ACYP2: variants seen among roughly 807,000 people sequenced by gnomAD.
ACYP2 encodes acylphosphatase-2.
In ACYP2, 12 loss-of-function variants were observed where a neutral mutation model predicts 11.2. That is an observed-to-expected ratio of 1.08 (90% CI 0.69 to 1.74). ACYP2 has a LOEUF of 1.74. Ranked by LOEUF, ACYP2 falls within the 40% of genes most tolerant of loss-of-function variation. The pLI, the probability that ACYP2 is intolerant of heterozygous loss-of-function variation, is 0.00. For synonymous variants in ACYP2, 43 were observed against 32.2 expected, an observed-to-expected ratio of 1.33 and a Z score of -1.13; for missense variants, 134 against 101.9, an observed-to-expected ratio of 1.31 and a Z score of -1.35.
chr2:54,000,433 A>T (rs950460339), intron 2 of ACYP2, among the ~76,000 whole-genome samples: 2 of 152,202 alleles, frequency 1.3e-5, no homozygotes, highest in Non-Finnish European at 2.9e-5. Flanking sequence ...ACTTAATTAC[A>T]AGACGTTAAA....
intron 6 of ACYP2, among the ~76,000 whole-genome samples, chr2:54,232,780 C>A (rs192721105): frequency 2.0e-5 from 3 of 152,172 alleles, no homozygotes; most frequent in Admixed American, 2.0e-4. Context: ...AAGTGCCACA[C>A]TTTTAAACCA....
chr2:54,059,252 C>G (rs1405618141), intron 4 of ACYP2, among the ~76,000 whole-genome samples: 2 of 150,026 alleles, frequency 1.3e-5, no homozygotes, highest in Admixed American at 6.6e-5. Flanking sequence ...GAATTTTGCT[C>G]TTGTTGCCCG....
chr2:53,972,378 G>T (rs1030178594), intron 1 of ACYP2, among the ~76,000 whole-genome samples: 2 of 151,414 alleles, frequency 1.3e-5, no homozygotes, highest in South Asian at 2.1e-4. Flanking sequence ...AGGCCGAGGC[G>T]GGTGGATCAC....
At chr2:53,985,316 C>G (rs746271200) in intron 2 of ACYP2, among the ~76,000 whole-genome samples, 4 of 152,126 alleles carry the variant, frequency 2.6e-5, no homozygotes, top group Non-Finnish European at 5.9e-5. Flanking sequence ...ATCCGCCTGC[C>G]TCAGCCTCCC....
At chr2:54,010,315 C>G (rs1367665797) in intron 2 of ACYP2, among the ~76,000 whole-genome samples, 1 of 152,086 alleles carries the variant, frequency 6.6e-6, no homozygotes, top group Non-Finnish European at 1.5e-5. Flanking sequence ...GAAACCCTGT[C>G]TCTACTAAAA....
At chr2:54,197,762 G>A (rs983716749) in intron 6 of ACYP2, among the ~76,000 whole-genome samples, 3 of 152,144 alleles carry the variant, frequency 2.0e-5, no homozygotes, top group East Asian at 3.9e-4. Context: ...GAGAGGAAGG[G>A]GATGTGTGGT....
At chr2:54,035,254 TTTTTCTTTTTC>T (rs1429869747) in intron 2 of ACYP2, among the ~76,000 whole-genome samples, 2 of 146,024 alleles carry the variant, frequency 1.4e-5, no homozygotes, top group Non-Finnish European at 3.0e-5. Context: ...AGACAATTTC[TTTTTCTTTTTC>T]TTTTTTTTTT....
At chr2:54,016,752 G>A (rs899205772) in intron 2 of ACYP2, among the ~76,000 whole-genome samples, 1 of 147,478 alleles carries the variant, frequency 6.8e-6, no homozygotes, top group Admixed American at 6.8e-5. Context: ...TTGAGTTGGG[G>A]TCTTGCTGTG....
At chr2:54,052,540 C>T (rs1428209881) in intron 3 of ACYP2, among the ~76,000 whole-genome samples, 2 of 152,074 alleles carry the variant, frequency 1.3e-5, no homozygotes, top group African/African-American at 4.8e-5. Flanking sequence ...GAAACAATTG[C>T]TCTGTTAACG....
chr2:54,049,687 C>G (rs1174260503), intron 2 of ACYP2, among the ~76,000 whole-genome samples: 2 of 152,156 alleles, frequency 1.3e-5, no homozygotes, highest in Non-Finnish European at 2.9e-5. Context: ...TGAGTACTTT[C>G]TATTCTTTCA....
chr2:54,055,972 G>A (rs1676126519), intron 3 of ACYP2, among the ~76,000 whole-genome samples: 1 of 152,188 alleles, frequency 6.6e-6, no homozygotes, highest in South Asian at 2.1e-4. Flanking sequence ...TAGGCATACT[G>A]TAAATAGATT....
At chr2:54,146,454 T>A (rs941773904) in intron 6 of ACYP2, among the ~76,000 whole-genome samples, 25 of 148,476 alleles carry the variant, frequency 1.7e-4, no homozygotes, top group Admixed American at 8.7e-4. Flanking sequence ...TTTTTTTTTT[T>A]ATTACAGACT....
chr2:54,165,527 T>C (rs368436146), intron 6 of ACYP2, among the ~76,000 whole-genome samples: 16 of 140,726 alleles, frequency 1.1e-4, no homozygotes, highest in Non-Finnish European at 2.0e-4. Flanking sequence ...TCTCTCTCTC[T>C]CTCTCTCTCA....
intron 4 of ACYP2, chr2:54,084,901 G>C (rs1413742660): frequency 6.6e-6 from 1 of 152,144 alleles, no homozygotes; most frequent in Non-Finnish European, 1.5e-5. Context: ...CCGTATAGTA[G>C]ATGATAATAT....
chr2:54,125,780 C>T (rs1292531765), intron 4 of ACYP2, among the ~76,000 whole-genome samples: 1 of 148,562 alleles, frequency 6.7e-6, no homozygotes, highest in African/African-American at 2.5e-5. Context: ...AGTTTTTAAA[C>T]ATATTAAAAA....
chr2:54,039,022 A>G (rs1558487777), intron 2 of ACYP2, among the ~76,000 whole-genome samples: 1 of 151,920 alleles, frequency 6.6e-6, no homozygotes. Context: ...CATCCCAGGA[A>G]CAGCTAGTAC....
intron 6 of ACYP2, among the ~76,000 whole-genome samples, chr2:54,192,380 T>C (rs1238567610): frequency 6.6e-6 from 1 of 152,174 alleles, no homozygotes; most frequent in Non-Finnish European, 1.5e-5. Flanking sequence ...ACAGTACTTA[T>C]TTTTAATTTT....
intron 2 of ACYP2, among the ~76,000 whole-genome samples, chr2:54,042,879 C>G (rs958875475): frequency 2.0e-5 from 3 of 152,224 alleles, no homozygotes; most frequent in African/African-American, 7.2e-5. Context: ...ACCAACCAAT[C>G]TTTCTTAGGA....
chr2:54,066,036 T>C (rs1676727216), intron 4 of ACYP2: 1 of 152,254 alleles, frequency 6.6e-6, no homozygotes, highest in South Asian at 2.1e-4. Context: ...AATAAATATG[T>C]ATTTATACAC....
Sources: gnomAD v4.1 joint callset for allele counts (sites outside exome capture counted in the v4.1 genomes callset) on GRCh38, gnomAD v4.1.1 for gene constraint, MANE v1.5 for transcripts, NCBI Gene and HGNC (gene_info 2026-07-23, HGNC 2026-07-21) for gene names.